The following CDYL2 variants were observed in gnomAD, a reference collection of about 807,000 sequenced individuals.
CDYL2 encodes chromodomain Y-like protein 2.
A neutral mutation model predicts 49.4 loss-of-function variants in CDYL2; 23 were observed. The observed-to-expected ratio is 0.47, with a 90% confidence interval of 0.34 to 0.66. The LOEUF is 0.66. Ranked by LOEUF, CDYL2 falls within the 30% of genes least tolerant of loss-of-function variation. The pLI is 0.01. For synonymous variants in CDYL2, 360 were observed against 268.8 expected (o/e 1.34, Z -3.32); for missense variants, 678 against 656.4 (o/e 1.03, Z -0.36).
At chr16:80,664,316 C>A (rs898165901) in intron 2 of CDYL2, among the ~76,000 whole-genome samples, 2 of 152,180 alleles carry the variant, frequency 1.3e-5, no homozygotes, top group African/African-American at 4.8e-5. Flanking sequence ...TTTCCGTCCA[C>A]CTTCACACAT....
At chr16:80,737,371 G>T (rs1368611218) in intron 1 of CDYL2, among the ~76,000 whole-genome samples, 1 of 152,164 alleles carries the variant, frequency 6.6e-6, no homozygotes, top group Non-Finnish European at 1.5e-5. Context: ...ACCTTAAAAG[G>T]GAGGAATCAT....
intron 2 of CDYL2, among the ~76,000 whole-genome samples, chr16:80,661,839 T>A (rs1041025888): frequency 1.3e-5 from 2 of 152,176 alleles, no homozygotes; most frequent in African/African-American, 4.8e-5. Context: ...GACTGTGGCC[T>A]CTTGAGGGAT....
Position 80,603,443 on chromosome 16 carries a change from T to C in CDYL2, c.*945A>G, listed in dbSNP as rs1055504247. ...TCTCCTAAGGACAAACCTAAGGAAC[T>C]AGTATTCTATTATTACAGCTGAGAA... is the stretch of plus-strand genomic sequence containing the variant. On this transcript the variant is annotated 3_prime_UTR_variant, in exon 7 of 7. Transcript: ENST00000570137. 6.6e-6 allele frequency: 1 copy of C among 152,178 alleles called. No homozygotes were observed. Among genetic ancestry groups the C allele is most frequent in the African/African-American group, 2.4e-5 (1 of 41,434 alleles). The allele number at this position is 152,178 out of a possible 1,614,324, so 9.4% of individuals were successfully genotyped here.
At chr16:80,638,884 G>A (rs1320040235) in intron 2 of CDYL2, among the ~76,000 whole-genome samples, 1 of 152,078 alleles carries the variant, frequency 6.6e-6, no homozygotes, top group Non-Finnish European at 1.5e-5. Flanking sequence ...AGCTCCTAGA[G>A]GATAGTACAG....
intron 2 of CDYL2, among the ~76,000 whole-genome samples, chr16:80,653,941 G>A (rs1451379881): frequency 6.6e-6 from 1 of 152,156 alleles, no homozygotes; most frequent in Non-Finnish European, 1.5e-5. Context: ...TCAAACCCCA[G>A]GAGTCACTGT....
At chr16:80,774,259 G>A (rs1456601904) in intron 1 of CDYL2, among the ~76,000 whole-genome samples, 3 of 152,080 alleles carry the variant, frequency 2.0e-5, no homozygotes, top group Non-Finnish European at 4.4e-5. Flanking sequence ...GCAACAATAC[G>A]GATGGAACTG....
At chr16:80,624,303 G>A (rs1020166401) in intron 3 of CDYL2, among the ~76,000 whole-genome samples, 1 of 152,110 alleles carries the variant, frequency 6.6e-6, no homozygotes, top group African/African-American at 2.4e-5. Context: ...AGCCACTCCA[G>A]CAAATAATTT....
At chr16:80,727,039 C>G (rs1905185615) in intron 1 of CDYL2, among the ~76,000 whole-genome samples, 1 of 152,190 alleles carries the variant, frequency 6.6e-6, no homozygotes. Context: ...TGAGCCATGA[C>G]TGTGCCTGGG....
intron 1 of CDYL2, among the ~76,000 whole-genome samples, chr16:80,729,934 T>C (rs1312219831): frequency 1.3e-5 from 2 of 152,030 alleles, no homozygotes; most frequent in Non-Finnish European, 2.9e-5. Flanking sequence ...CCAGAATCTC[T>C]GGGACGCATT....
intron 2 of CDYL2, among the ~76,000 whole-genome samples, chr16:80,651,402 A>C (rs753660640): frequency 3.9e-5 from 6 of 152,216 alleles, no homozygotes; most frequent in Non-Finnish European, 7.3e-5. Flanking sequence ...AAGTATAAAA[A>C]GGTAAAAAGA....
chr16:80,652,380 A>G lies in CDYL2; in HGVS notation c.617-19144T>C, dbSNP rs115224578. Among the ~76,000 whole-genome samples the G allele has an allele frequency of 8.0e-3, 1,226 of 152,368 alleles. 18 individuals carry two copies. The highest frequency in any genetic ancestry group is 0.028 in the African/African-American group (1,168 of 41,574). On this transcript the variant is annotated intron_variant, in intron 2 of 6. Coordinates refer to ENST00000570137, the MANE Select transcript of CDYL2 (RefSeq NM_152342.4). ...GATGGAACAATTTGAGCAACAAAAT[A>G]TAGTAGTACTGGATTAAATCTGAAA...
At chr16:80,654,543 C>T (rs1406529027) in intron 2 of CDYL2, among the ~76,000 whole-genome samples, 1 of 152,202 alleles carries the variant, frequency 6.6e-6, no homozygotes, top group Non-Finnish European at 1.5e-5. Flanking sequence ...ACCCGTGGCA[C>T]CTAGAAGCCT....
At chr16:80,712,215 A>ATATATAATC (rs763194077) in intron 1 of CDYL2, among the ~76,000 whole-genome samples, 1 of 128,358 alleles carries the variant, frequency 7.8e-6, no homozygotes, top group Non-Finnish European at 1.8e-5. Flanking sequence ...ATATATATAT[A>ATATATAATC]TCTCCAAACC....
At chr16:80,695,871 A>C (rs1910596409) in intron 1 of CDYL2, among the ~76,000 whole-genome samples, 1 of 152,180 alleles carries the variant, frequency 6.6e-6, no homozygotes, top group Non-Finnish European at 1.5e-5. Context: ...AACAAACATC[A>C]GCTTTAACCT....
intron 5 of CDYL2, among the ~76,000 whole-genome samples, chr16:80,610,041 G>A (rs1161310187): frequency 6.6e-6 from 1 of 152,116 alleles, no homozygotes; most frequent in East Asian, 1.9e-4. Context: ...CTTAGAACAG[G>A]GCCTGGTAGT....
intron 1 of CDYL2, among the ~76,000 whole-genome samples, chr16:80,786,927 G>A (rs937866509): frequency 2.0e-5 from 3 of 152,052 alleles, no homozygotes; most frequent in African/African-American, 7.3e-5. Context: ...TGGGGGGTGG[G>A]GGGCTAGGGG....
intron 1 of CDYL2, among the ~76,000 whole-genome samples, chr16:80,726,399 T>C (rs1458012580): frequency 6.6e-6 from 1 of 152,246 alleles, no homozygotes; most frequent in East Asian, 1.9e-4. Context: ...TATAACATTT[T>C]ACTAAAATAA....
chr16:80,789,332 G>T (rs1001787260), intron 1 of CDYL2, among the ~76,000 whole-genome samples: 1 of 152,190 alleles, frequency 6.6e-6, no homozygotes, highest in Non-Finnish European at 1.5e-5. Context: ...GCCAGGTGCG[G>T]TGGCTCACGC....
chr16:80,741,661 C>T (rs1018499442), intron 1 of CDYL2, among the ~76,000 whole-genome samples: 1 of 151,944 alleles, frequency 6.6e-6, no homozygotes, highest in African/African-American at 2.4e-5. Flanking sequence ...AAACAAACAA[C>T]AGATATTTAA....
Sources: allele counts gnomAD v4.1 joint callset (sites outside exome capture counted in the v4.1 genomes callset), GRCh38; gene constraint gnomAD v4.1.1; transcripts MANE v1.5; gene names NCBI Gene and HGNC (gene_info 2026-07-23, HGNC 2026-07-21).